SGCD: variants seen among roughly 807,000 people sequenced by gnomAD.
SGCD encodes delta-sarcoglycan.
In SGCD, 18 loss-of-function variants were observed where a neutral mutation model predicts 36.6. That is an observed-to-expected ratio of 0.49 (90% confidence interval 0.34 to 0.73). The LOEUF is 0.73. Ranked by LOEUF, SGCD falls within the 30% of genes least tolerant of loss-of-function variation. The pLI is 0.01. For synonymous variants in SGCD, 133 were observed against 130.6 expected (o/e 1.02, Z -0.12); for missense variants, 387 against 346.7 (o/e 1.12, Z -0.92).
chr5:156,124,570 A>G (rs755334048), intron 3 of SGCD, among the ~76,000 whole-genome samples: 19 of 152,218 alleles, frequency 1.2e-4, no homozygotes, highest in Admixed American at 5.9e-4. Flanking sequence ...TAATTATCAC[A>G]GTAACGATAG....
chr5:155,960,123 C>G (rs1316139420), intron 1 of SGCD, among the ~76,000 whole-genome samples: 1 of 152,056 alleles, frequency 6.6e-6, no homozygotes. Context: ...TCTCCTCCCT[C>G]CTTTTTCTTC....
intron 3 of SGCD, among the ~76,000 whole-genome samples, chr5:156,430,932 T>C (rs933863830): frequency 1.3e-5 from 2 of 152,184 alleles, no homozygotes; most frequent in African/African-American, 4.8e-5. Context: ...CAGTATTTTA[T>C]TGACCAAACG....
intron 3 of SGCD, among the ~76,000 whole-genome samples, chr5:156,485,362 C>T (rs1157371576): frequency 6.6e-6 from 1 of 152,114 alleles, no homozygotes; most frequent in East Asian, 1.9e-4. Context: ...GCTAGAGGGG[C>T]CTTCAAAATG....
At chr5:156,634,082 C>T (rs568944327) in intron 6 of SGCD, among the ~76,000 whole-genome samples, 1 of 152,290 alleles carries the variant, frequency 6.6e-6, no homozygotes, top group East Asian at 1.9e-4. Flanking sequence ...TCTGTCTTCT[C>T]TTCAGCTTTC....
chr5:156,594,428 C>G (rs1760842654), intron 5 of SGCD, among the ~76,000 whole-genome samples: 1 of 152,264 alleles, frequency 6.6e-6, no homozygotes, highest in South Asian at 2.1e-4. Context: ...GATCTGTATA[C>G]TAAGGAAATA....
rs1203808308 is a variant in SGCD, at chr5:156,229,288, A to ATATATATATATATATATT, written c.-43-100234_-43-100233insTATATTTATATATATATA. ...TATATATATACATACATATATATAT[A>ATATATATATATATATATT]TATATATATATAAAATTAGTTCTTC... On this transcript the variant is annotated intron_variant, in intron 3 of 9. Transcript: ENST00000517913. 2.6e-5 allele frequency among the ~76,000 whole-genome samples: 3 copies of ATATATATATATATATATT among 114,166 alleles called. 1 individual carries two copies. The East Asian group carries it at 6.8e-4, about 26-fold the overall frequency. 74.9% of individuals were successfully genotyped at this position (114,166 alleles called of 152,430 possible).
intron 1 of SGCD, among the ~76,000 whole-genome samples, chr5:155,943,977 C>A (rs1210726427): frequency 6.6e-6 from 1 of 152,190 alleles, no homozygotes; most frequent in Non-Finnish European, 1.5e-5. Context: ...GAACCTTCCA[C>A]CTGTTCAGTG....
chr5:155,954,434 TTAAA>T (rs1757606065), intron 1 of SGCD, among the ~76,000 whole-genome samples: 1 of 152,130 alleles, frequency 6.6e-6, no homozygotes, highest in Non-Finnish European at 1.5e-5. Flanking sequence ...AAAACAAAAA[TTAAA>T]TTAATACTGC....
intron 3 of SGCD, among the ~76,000 whole-genome samples, chr5:156,166,322 T>A (rs1482163205): frequency 6.7e-6 from 1 of 149,156 alleles, no homozygotes; most frequent in Non-Finnish European, 1.5e-5. Flanking sequence ...ACTCCATAAC[T>A]TTTTTTTTTA....
chr5:156,384,045 T>C (rs1771138979), intron 3 of SGCD, among the ~76,000 whole-genome samples: 1 of 152,312 alleles, frequency 6.6e-6, no homozygotes, highest in South Asian at 2.1e-4. Flanking sequence ...TATTTCGGTG[T>C]GTACATGTTT....
chr5:156,199,132 A>T (rs1454074686), intron 3 of SGCD, among the ~76,000 whole-genome samples: 1 of 152,128 alleles, frequency 6.6e-6, no homozygotes, highest in African/African-American at 2.4e-5. Context: ...CATGAATCTG[A>T]ACCTTCTGCC....
chr5:155,766,262 T>C, the SGCD span, among the ~76,000 whole-genome samples: 1 of 152,140 alleles, frequency 6.6e-6, no homozygotes, highest in East Asian at 1.9e-4. Context: ...CTCCATGCTT[T>C]CCCATGTACA....
chr5:156,653,367 T>TA (rs1239966845), intron 7 of SGCD, among the ~76,000 whole-genome samples: 1 of 152,060 alleles, frequency 6.6e-6, no homozygotes, highest in Non-Finnish European at 1.5e-5. Context: ...CTAGATTTCC[T>TA]AGTTTGTGTG....
chr5:155,862,411 C>T, the SGCD span, among the ~76,000 whole-genome samples: 1 of 152,158 alleles, frequency 6.6e-6, no homozygotes, highest in East Asian at 1.9e-4. Flanking sequence ...TCACTGCAGC[C>T]TTGAACTAAG....
At chr5:156,221,520 G>T (rs370469936) in intron 3 of SGCD, among the ~76,000 whole-genome samples, 1 of 151,828 alleles carries the variant, frequency 6.6e-6, no homozygotes, top group East Asian at 1.9e-4. Context: ...ATGGAGAATA[G>T]CACCTACCTT....
intron 1 of SGCD, among the ~76,000 whole-genome samples, chr5:156,106,000 A>G (rs1761637026): frequency 6.7e-6 from 1 of 149,842 alleles, no homozygotes; most frequent in Non-Finnish European, 1.5e-5. Flanking sequence ...AATCCCAGCT[A>G]CTTGGGAGGC....
chr5:156,151,767 A>C (rs1762840715), intron 3 of SGCD, among the ~76,000 whole-genome samples: 1 of 151,560 alleles, frequency 6.6e-6, no homozygotes, highest in South Asian at 2.1e-4. Context: ...CTCTTTTTCA[A>C]GGATTTTTTT....
chr5:156,477,953 G>A (rs772927939), intron 3 of SGCD, among the ~76,000 whole-genome samples: 9 of 151,890 alleles, frequency 5.9e-5, no homozygotes, highest in South Asian at 2.1e-4. Context: ...TCAAACTGTC[G>A]TCACCATTTA....
chr5:155,864,803 T>C, the SGCD span, among the ~76,000 whole-genome samples: 4 of 152,226 alleles, frequency 2.6e-5, no homozygotes, highest in South Asian at 2.1e-4. Context: ...GCTGATCAGA[T>C]ATTTTCGGTA....
Sources: gnomAD v4.1 joint callset for allele counts (sites outside exome capture counted in the v4.1 genomes callset) on GRCh38, gnomAD v4.1.1 for gene constraint, MANE v1.5 for transcripts, NCBI Gene and HGNC (gene_info 2026-07-23, HGNC 2026-07-21) for gene names.